Variants in PDCD6 observed in about 807,000 individuals in gnomAD.
PDCD6 encodes programmed cell death 6.
Under a neutral mutation model 28.3 loss-of-function variants are expected in PDCD6, and 12 were observed. That is an observed-to-expected ratio of 0.42 (90% confidence interval 0.27 to 0.69). The LOEUF is 0.69. PDCD6 is among the 30% of genes least tolerant of loss of function. The probability of loss-of-function intolerance (pLI) is 0.22; values close to 1 mark genes in which losing one functional copy is unlikely to be tolerated. For synonymous variants in PDCD6, 92 were observed against 108.0 expected (o/e 0.85, Z 0.92); for missense variants, 226 against 269.9 (o/e 0.84, Z 1.14).
intron 2 of PDCD6, among the ~76,000 whole-genome samples, chr5:300,285 C>G (rs1278532324): frequency 6.6e-6 from 1 of 152,218 alleles, no homozygotes; most frequent in Non-Finnish European, 1.5e-5. Flanking sequence ...GACTGACCCC[C>G]AGGTTCAGGA....
chr5:308,739 A>T (rs1196760627), intron 4 of PDCD6: 1 of 152,376 alleles, frequency 6.6e-6, no homozygotes, highest in East Asian at 1.9e-4. Context: ...CTTGGTGGCC[A>T]GCAGGAGGGA....
chr5:276,585 T>C, intron 2 of PDCD6: 19 of 982,322 alleles, frequency 1.9e-5, no homozygotes, highest in East Asian at 1.1e-4. Flanking sequence ...TATACTAATA[T>C]GATTGAAATT....
chr5:272,047 G>A (rs1318740680), intron 1 of PDCD6, among the ~76,000 whole-genome samples: 2 of 147,694 alleles, frequency 1.4e-5, no homozygotes, highest in Admixed American at 6.7e-5. Flanking sequence ...GGTCTCCCCC[G>A]TCCGCTGCCC....
At chr5:289,773 C>T (rs940591537) in intron 2 of PDCD6, 9 of 1,004,752 alleles carry the variant, frequency 9.0e-6, no homozygotes, top group African/African-American at 1.6e-5. Context: ...TGGGGGCTGA[C>T]AAAGAAACCT....
intron 2 of PDCD6, among the ~76,000 whole-genome samples, chr5:286,715 G>A (rs1738994795): frequency 6.6e-6 from 1 of 152,054 alleles, no homozygotes; most frequent in East Asian, 1.9e-4. Flanking sequence ...AGGAGCTGAT[G>A]TTCCCGTTTG....
chr5:288,300 A>AT, intron 2 of PDCD6, among the ~76,000 whole-genome samples: 1 of 110,440 alleles, frequency 9.1e-6, no homozygotes, highest in Non-Finnish European at 2.2e-5. Context: ...TATTATATAT[A>AT]TATATATATA....
intron 2 of PDCD6, among the ~76,000 whole-genome samples, chr5:293,145 C>G (rs1237684391): frequency 6.6e-6 from 1 of 152,232 alleles, no homozygotes; most frequent in Non-Finnish European, 1.5e-5. Context: ...TCCCGACTTT[C>G]CCATATGGAC....
At chr5:278,977 G>A (rs1295092726) in intron 2 of PDCD6, among the ~76,000 whole-genome samples, 1 of 151,996 alleles carries the variant, frequency 6.6e-6, no homozygotes, top group Non-Finnish European at 1.5e-5. Context: ...TGTGGCTTGC[G>A]GTTGTTTCGC....
intron 2 of PDCD6, chr5:288,949 C>A (rs1739155598): frequency 6.6e-7 from 1 of 1,515,040 alleles, no homozygotes; most frequent in Non-Finnish European, 9.2e-7. Flanking sequence ...TCTTCTGTTT[C>A]ACGGCAGTCA....
chr5:299,558 T>TC (rs200724132), intron 2 of PDCD6, among the ~76,000 whole-genome samples: 16,270 of 151,928 alleles, frequency 0.11, 2,817 homozygotes, highest in African/African-American at 0.36. Flanking sequence ...AAGGTTTTTT[T>TC]TTTTTCTTTA....
intron 2 of PDCD6, among the ~76,000 whole-genome samples, chr5:275,100 C>T (rs1408870581): frequency 7.9e-5 from 12 of 152,178 alleles, no homozygotes; most frequent in Non-Finnish European, 1.6e-4. Context: ...CCCCACCGCC[C>T]TTCAGGATGC....
intron 2 of PDCD6, among the ~76,000 whole-genome samples, chr5:281,787 G>A (rs79083666): frequency 3.2e-4 from 37 of 117,264 alleles, no homozygotes; most frequent in African/African-American, 1.4e-3. Flanking sequence ...TGAGGGTCGT[G>A]CAGCTGGAGA....
At chr5:313,606 G>C (rs74711210) in intron 5 of PDCD6, 4 of 152,344 alleles carry the variant, frequency 2.6e-5, no homozygotes, top group Admixed American at 2.6e-4. Context: ...GATCCCAGGC[G>C]AGAGTCACCA....
intron 4 of PDCD6, chr5:308,931 C>G (rs557398798): frequency 6.5e-6 from 1 of 154,080 alleles, no homozygotes; most frequent in Non-Finnish European, 1.4e-5. Flanking sequence ...CAGCACTCAC[C>G]ACCCGGCACC....
At chr5:295,605 T>C (rs1176494367) in intron 2 of PDCD6, among the ~76,000 whole-genome samples, 1 of 147,376 alleles carries the variant, frequency 6.8e-6, no homozygotes, top group African/African-American at 2.4e-5. Context: ...GCCATGATTC[T>C]CCGTGATGTT....
At chr5:286,348 T>G (rs894968860) in intron 2 of PDCD6, among the ~76,000 whole-genome samples, 11 of 152,164 alleles carry the variant, frequency 7.2e-5, no homozygotes, top group African/African-American at 2.7e-4. Flanking sequence ...GATGTTGTTT[T>G]GAGAGCCGTG....
At position 305,593 on chromosome 5, in the gene PDCD6, C is replaced by G. The variant is rs1017157562; in HGVS notation, c.209-1009C>G. On this transcript the variant is annotated intron_variant, in intron 3 of 5. Transcript: ENST00000264933. This position sits in a 1 kb window ranked among gnomAD's most constrained non-coding sequence, Gnocchi z 4.0. Reference sequence around the variant, plus strand: ...AGCCACTCCTCTGCGGAGCCCTTACCCTGGGGTGCAGCTCACCCAGCATCC... The same window carrying G: ...AGCCACTCCTCTGCGGAGCCCTTACGCTGGGGTGCAGCTCACCCAGCATCC... The G allele has an allele frequency of 2.0e-5, 3 of 152,216 alleles. No homozygotes were observed. Among genetic ancestry groups the G allele is most frequent in the African/African-American group, 2.4e-5 (1 of 41,448 alleles). The allele number at this position is 152,216 out of a possible 1,614,324, so 9.4% of individuals were successfully genotyped here. A position where few individuals can be genotyped will look rare whatever the true frequency, so the allele number is the denominator to read the frequency against.
intron 2 of PDCD6, among the ~76,000 whole-genome samples, chr5:284,991 C>T (rs895976710): frequency 9.1e-5 from 13 of 142,158 alleles, no homozygotes; most frequent in African/African-American, 2.6e-4. Context: ...ACTGGAACAT[C>T]GGTTCCCATC....
At position 275,968 on chromosome 5, in the gene PDCD6, C is replaced by T. The variant is rs934111294; in HGVS notation, c.163+3196C>T. On this transcript the variant is annotated intron_variant, in intron 2 of 5. Transcript: ENST00000264933. ...CTGAAGATGCCCTTGTCCTCCACCC[C>T]TTTGCTTTGGGCTCTAAGCTTCTTC... The T allele has an allele frequency of 3.1e-6, 4 of 1,283,122 alleles. No homozygotes were observed. The African/African-American group carries it at 6.1e-5, about 20-fold the overall frequency. 79.5% of individuals were successfully genotyped at this position (1,283,122 alleles called of 1,614,324 possible).
Sources: allele counts gnomAD v4.1 joint callset (sites outside exome capture counted in the v4.1 genomes callset), GRCh38; gene constraint gnomAD v4.1.1; non-coding constraint Gnocchi (gnomAD v3.1); transcripts MANE v1.5; gene names NCBI Gene and HGNC (gene_info 2026-07-23, HGNC 2026-07-21).